TOM1: variants seen among roughly 807,000 people sequenced by gnomAD.
TOM1 encodes target of myb1 membrane trafficking protein, also known as target of Myb protein 1.
A neutral mutation model predicts 61.3 loss-of-function variants in TOM1; 38 were observed. The observed-to-expected ratio is 0.62, with a 90% CI of 0.48 to 0.81. The LOEUF is 0.81. TOM1 is among the 40% of genes least tolerant of loss of function. The pLI, the probability that TOM1 is intolerant of heterozygous loss-of-function variation, is 0.00. For missense variants in TOM1, 591 were observed against 659.6 expected, an observed-to-expected ratio of 0.90 and a Z score of 1.14; for synonymous variants, 270 against 268.8, an observed-to-expected ratio of 1.00 and a Z score of -0.04.
chr22:35,330,768 A>G (rs949034836), intron 8 of TOM1, among the ~76,000 whole-genome samples: 3 of 152,160 alleles, frequency 2.0e-5, no homozygotes, highest in Non-Finnish European at 4.4e-5. Flanking sequence ...CGGCCCTGCA[A>G]CCAGACTGGC....
rs774842627 is a variant in TOM1 at position 35,330,439 on chromosome 22, C to T, written c.858C>T (p.Ile286=). Residue 286 remains isoleucine, a synonymous_variant, in exon 8 of 15, where the codon ATC becomes ATT. Transcript: ENST00000449058. ...AGCAGCTGACAGAGGAGCTGCTCAT[C>T]GTCAATGACAATCTCAACAATGTGT... ...ANEQLTEELL[I]VNDNLNNVFL... 8 of 1,613,284 alleles carry T rather than the reference C, an allele frequency of 5.0e-6. No homozygotes were observed. Among genetic ancestry groups the T allele is most frequent in the East Asian group, 4.5e-5 (2 of 44,836 alleles).
intron 2 of TOM1, among the ~76,000 whole-genome samples, chr22:35,321,522 C>T (rs2145653380): frequency 6.6e-6 from 1 of 152,178 alleles, no homozygotes; most frequent in African/African-American, 2.4e-5. Context: ...CCTCAACCTC[C>T]CAAGTAGCTG....
chr22:35,304,741 G>T (rs1926168199), intron 1 of TOM1, among the ~76,000 whole-genome samples: 2 of 152,356 alleles, frequency 1.3e-5, no homozygotes, highest in South Asian at 4.1e-4. Context: ...GCCTCCCAAA[G>T]TGCTGGGATT....
chr22:35,321,836 T>C, intron 2 of TOM1, 123 bp from the exon 3 acceptor site: 1 of 854,340 alleles, frequency 1.2e-6, no homozygotes, highest in South Asian at 1.3e-5. Flanking sequence ...CCTGGCTGGA[T>C]ACACAAAACA....
intron 2 of TOM1, among the ~76,000 whole-genome samples, chr22:35,320,285 C>T (rs1335810628): frequency 1.3e-5 from 2 of 152,154 alleles, no homozygotes; most frequent in African/African-American, 4.8e-5. Flanking sequence ...AGGTCAGGAG[C>T]CTTCAGGGTG....
chr22:35,323,242 G>A lies in TOM1; in HGVS notation c.366+65G>A. On this transcript the variant is annotated intron_variant, in intron 4 of 14. Coordinates refer to ENST00000449058, the MANE Select transcript of TOM1 (RefSeq NM_005488.3). This position sits in a 1 kb window ranked among gnomAD's most constrained non-coding sequence, Gnocchi z 4.2. Reference sequence around the variant, plus strand: ...TGTCAGTGCAGGAGCTTCCTGCCCAGTGGAGAGTCGAGGCCATCGTGTTTG... The same window carrying A: ...TGTCAGTGCAGGAGCTTCCTGCCCAATGGAGAGTCGAGGCCATCGTGTTTG... 6.3e-7 allele frequency: 1 copy of A among 1,582,636 alleles called. No individual in the cohort carries two copies. Among genetic ancestry groups the A allele is most frequent in the Admixed American group, 1.8e-5 (1 of 55,614 alleles).
chr22:35,331,610 G>A (rs563873970), intron 8 of TOM1: 3 of 234,400 alleles, frequency 1.3e-5, no homozygotes, highest in South Asian at 8.5e-5. Context: ...AGGGCTGGGC[G>A]CAGTGGCTCA....
At chr22:35,322,370 G>A in intron 3 of TOM1, 1 of 310,944 alleles carries the variant, frequency 3.2e-6, no homozygotes, top group South Asian at 4.6e-5. Context: ...GGCTGACTGA[G>A]TTGGGTGCTG....
intron 6 of TOM1, among the ~76,000 whole-genome samples, chr22:35,326,264 G>T (rs1007260679): frequency 6.6e-6 from 1 of 152,134 alleles, no homozygotes; most frequent in Admixed American, 6.5e-5. Flanking sequence ...ACATAAAAAG[G>T]TTCTTCAGTC....
At chr22:35,337,007 CA>C (rs1929405592) in intron 11 of TOM1, among the ~76,000 whole-genome samples, 1 of 150,700 alleles carries the variant, frequency 6.6e-6, no homozygotes, top group Non-Finnish European at 1.5e-5. Context: ...GTGGCGCTTG[CA>C]GAGTGCAAGC....
intron 11 of TOM1, among the ~76,000 whole-genome samples, chr22:35,336,183 C>T (rs1929316044): frequency 1.3e-5 from 2 of 152,156 alleles, no homozygotes; most frequent in Admixed American, 1.3e-4. Context: ...TCCTGCAGGC[C>T]CTCCCCAGGG....
Position 35,323,370 on chromosome 22 carries a change from C to A in TOM1, c.367-126C>A. 1 of 1,369,062 alleles carries A rather than the reference C, an allele frequency of 7.3e-7. No individual in the cohort carries two copies. The highest frequency in any genetic ancestry group is 9.9e-7 in the Non-Finnish European group (1 of 1,005,996). The allele number at this position is 1,369,062 out of a possible 1,614,324, so 84.8% of individuals were successfully genotyped here. A position where few individuals can be genotyped will look rare whatever the true frequency, so the allele number is the denominator to read the frequency against. On this transcript the variant is annotated intron_variant, in intron 4 of 14. Transcript: ENST00000449058. The surrounding 1 kb of genome is among the most constrained non-coding windows in gnomAD (Gnocchi z 4.2). ...ACTGCGTGCTTTGCTGTGGAGTGGG[C>A]AGGGCAGATGTAGTTAAAAAAAAAA... is the stretch of plus-strand genomic sequence containing the variant.
chr22:35,335,850 G>C (rs1376465771), intron 11 of TOM1: 1 of 154,808 alleles, frequency 6.5e-6, no homozygotes, highest in Non-Finnish European at 1.5e-5. Context: ...AGGGTACTCA[G>C]AGCTGGACCA....
chr22:35,321,889 T>C, intron 2 of TOM1, 70 bp from the exon 3 acceptor site: 1 of 1,329,230 alleles, frequency 7.5e-7, no homozygotes, highest in Admixed American at 1.7e-5. Flanking sequence ...CTGTTCCAAC[T>C]CTCCAGGGTC....
chr22:35,301,164 C>G (rs1479394316), intron 1 of TOM1, among the ~76,000 whole-genome samples: 1 of 152,086 alleles, frequency 6.6e-6, no homozygotes, highest in East Asian at 1.9e-4. Flanking sequence ...GAGGTCAGGG[C>G]TGCAGTGAGC....
At chr22:35,325,133 C>A (rs990746941) in intron 6 of TOM1, among the ~76,000 whole-genome samples, 1 of 152,222 alleles carries the variant, frequency 6.6e-6, no homozygotes, top group Non-Finnish European at 1.5e-5. Context: ...GAGACACCCA[C>A]GTTAAAGGTG....
intron 11 of TOM1, chr22:35,335,554 A>T (rs921096455): frequency 6.5e-6 from 1 of 152,842 alleles, no homozygotes; most frequent in Non-Finnish European, 1.5e-5. Context: ...GCAGCCAGAC[A>T]CGCCCATCCA....
intron 1 of TOM1, among the ~76,000 whole-genome samples, chr22:35,317,211 G>A (rs1299259302): frequency 1.3e-5 from 2 of 152,036 alleles, no homozygotes; most frequent in Non-Finnish European, 2.9e-5. Context: ...TGTTTGTTTT[G>A]GAGATGGAGT....
At chr22:35,342,447 AAC>A (rs2145721898) in intron 12 of TOM1, among the ~76,000 whole-genome samples, 1 of 152,068 alleles carries the variant, frequency 6.6e-6, no homozygotes, top group Non-Finnish European at 1.5e-5. Flanking sequence ...AGGTTGGATA[AAC>A]TGATGTTTCT....
Sources: allele counts gnomAD v4.1 joint callset (sites outside exome capture counted in the v4.1 genomes callset), GRCh38; gene constraint gnomAD v4.1.1; non-coding constraint Gnocchi (gnomAD v3.1); transcripts MANE v1.5; gene names NCBI Gene and HGNC (gene_info 2026-07-23, HGNC 2026-07-21).